The following STAG1 variants were observed in gnomAD, a reference collection of about 807,000 sequenced individuals.
The protein encoded by STAG1 is cohesin subunit SA-1.
STAG1 carries 26 observed loss-of-function variants against 170.9 expected under a neutral mutation model. The observed-to-expected ratio is 0.15, with a 90% CI of 0.11 to 0.21. STAG1 has a LOEUF of 0.21. STAG1 is among the 10% of genes least tolerant of loss of function. STAG1 has a pLI of 1.00. For synonymous variants in STAG1, 514 were observed against 497.7 expected (o/e 1.03, Z -0.44); for missense variants, 964 against 1,509.5 (o/e 0.64, Z 5.99).
At chr3:136,749,917 AAAAG>A (rs200664882) in intron 1 of STAG1, among the ~76,000 whole-genome samples, 22,205 of 151,200 alleles carry the variant, frequency 0.15, 2,122 homozygotes, top group Non-Finnish European at 0.22. Context: ...ATTAAAAAAA[AAAAG>A]AAAGAAACTA....
At chr3:136,359,048 T>G in intron 27 of STAG1, 100 bp downstream of exon 27, 1 of 1,024,906 alleles carries the variant, frequency 9.8e-7, no homozygotes, top group South Asian at 2.6e-5. Context: ...TCTTATAACT[T>G]AAAATTCTAT....
chr3:136,551,025 C>T (rs986893489), intron 5 of STAG1, among the ~76,000 whole-genome samples: 10 of 151,734 alleles, frequency 6.6e-5, no homozygotes, highest in African/African-American at 2.4e-4. Context: ...CAGTTTTCTC[C>T]TTTGTAAATT....
intron 15 of STAG1, among the ~76,000 whole-genome samples, chr3:136,440,366 T>C (rs941788640): frequency 3.3e-5 from 5 of 152,054 alleles, no homozygotes; most frequent in Non-Finnish European, 7.4e-5. Flanking sequence ...CTCGATCTCC[T>C]GACCTCATGA....
chr3:136,420,533 A>G (rs1202642666), intron 20 of STAG1, among the ~76,000 whole-genome samples: 1 of 152,108 alleles, frequency 6.6e-6, no homozygotes, highest in Non-Finnish European at 1.5e-5. Flanking sequence ...CAAACACAAC[A>G]ATCAGTCAGT....
intron 1 of STAG1, among the ~76,000 whole-genome samples, chr3:136,688,574 T>C (rs555173545): frequency 6.6e-6 from 1 of 152,154 alleles, no homozygotes; most frequent in South Asian, 2.1e-4. Flanking sequence ...ATATTTTTAG[T>C]AGAGATGGGG....
chr3:136,736,520 C>T (rs1427396330), intron 1 of STAG1: 5 of 1,439,884 alleles, frequency 3.5e-6, no homozygotes, highest in Admixed American at 3.3e-5. Flanking sequence ...TTTTTACTTT[C>T]GGTGGTCTCA....
chr3:136,704,821 C>CAAAAAAAAAAAAAA (rs67207510), intron 1 of STAG1, among the ~76,000 whole-genome samples: 7 of 51,422 alleles, frequency 1.4e-4, no homozygotes, highest in African/African-American at 2.2e-4. Flanking sequence ...GTCCCTGTCT[C>CAAAAAAAAAAAAAA]AAAAAAAAAA....
chr3:136,747,820 G>C (rs2107958849), intron 1 of STAG1, among the ~76,000 whole-genome samples: 1 of 148,674 alleles, frequency 6.7e-6, no homozygotes, highest in African/African-American at 2.5e-5. Flanking sequence ...CTGTCACCCA[G>C]GCTGGAGTGC....
At chr3:136,355,269 T>C (rs1167329792) in intron 28 of STAG1, among the ~76,000 whole-genome samples, 1 of 142,802 alleles carries the variant, frequency 7.0e-6, no homozygotes, top group Non-Finnish European at 1.5e-5. Context: ...GGAGAATCGC[T>C]GGAACCCGGG....
chr3:136,418,360 CAAAAAAAAAAAAAAAAAAA>C lies in STAG1; in HGVS notation c.2109-407_2109-389del, dbSNP rs767401141. ...GGGTAACTGAGCAAGACTCTGTCTC[CAAAAAAAAAAAAAAAAAAA>C]AAAAAAAAAAAAAAAAAAAAAGGTT... On this transcript the variant is annotated intron_variant, in intron 20 of 33. Coordinates refer to ENST00000383202, the MANE Select transcript of STAG1 (RefSeq NM_005862.3). 2.8e-3 allele frequency among the ~76,000 whole-genome samples: 140 copies of C among 49,756 alleles called. 1 individual carries two copies. Among genetic ancestry groups the C allele is most frequent in the African/African-American group, 0.012 (108 of 9,260 alleles). 32.6% of individuals were successfully genotyped at this position (49,756 alleles called of 152,430 possible). A position where few individuals can be genotyped will look rare whatever the true frequency, so the allele number is the denominator to read the frequency against.
intron 1 of STAG1, among the ~76,000 whole-genome samples, chr3:136,686,733 G>GT (rs552591730): frequency 5.9e-4 from 89 of 152,120 alleles, no homozygotes; most frequent in Non-Finnish European, 3.8e-4. Flanking sequence ...CAGGTGACTT[G>GT]TTTTTTTTAA....
intron 3 of STAG1, among the ~76,000 whole-genome samples, chr3:136,607,670 T>C (rs1414871020): frequency 2.0e-5 from 3 of 152,256 alleles, no homozygotes. Context: ...CCCAAAGTGC[T>C]AGGATTACAG....
intron 21 of STAG1, among the ~76,000 whole-genome samples, chr3:136,403,190 G>C (rs757281201): frequency 3.0e-4 from 34 of 112,454 alleles, no homozygotes; most frequent in Non-Finnish European, 2.0e-4. Flanking sequence ...TCACACCAAT[G>C]CACTCTAGCC....
chr3:136,375,253 T>G (rs139892342), intron 23 of STAG1, among the ~76,000 whole-genome samples: 1 of 152,204 alleles, frequency 6.6e-6, no homozygotes. Context: ...TATAGAGACT[T>G]TGAATACATT....
intron 13 of STAG1, among the ~76,000 whole-genome samples, chr3:136,460,285 A>T (rs1449744361): frequency 6.6e-6 from 1 of 152,196 alleles, no homozygotes; most frequent in Non-Finnish European, 1.5e-5. Context: ...GACACATACA[A>T]CCTAACATAA....
At chr3:136,667,085 T>C (rs1941809934) in intron 1 of STAG1, among the ~76,000 whole-genome samples, 2 of 152,202 alleles carry the variant, frequency 1.3e-5, no homozygotes, top group Non-Finnish European at 2.9e-5. Context: ...AAATCAATTT[T>C]TACTCAATAG....
At chr3:136,403,869 T>A (rs2087407479) in intron 21 of STAG1, among the ~76,000 whole-genome samples, 1 of 152,232 alleles carries the variant, frequency 6.6e-6, no homozygotes, top group Non-Finnish European at 1.5e-5. Flanking sequence ...CTAATCTGTT[T>A]CACACATTGG....
intron 7 of STAG1, among the ~76,000 whole-genome samples, chr3:136,515,814 A>T (rs1200043505): frequency 6.6e-6 from 1 of 152,226 alleles, no homozygotes; most frequent in Non-Finnish European, 1.5e-5. Flanking sequence ...AAACTACATG[A>T]TATAGTGGTA....
At chr3:136,572,227 AAATAAAATGAATAC>A (rs1393734850) in intron 4 of STAG1, among the ~76,000 whole-genome samples, 1 of 152,034 alleles carries the variant, frequency 6.6e-6, no homozygotes, top group Non-Finnish European at 1.5e-5. Flanking sequence ...AAATAAATAA[AAATAAAATGAATAC>A]AATAAAATAA....
Sources: allele counts gnomAD v4.1 joint callset (sites outside exome capture counted in the v4.1 genomes callset), GRCh38; gene constraint gnomAD v4.1.1; transcripts MANE v1.5; gene names NCBI Gene and HGNC (gene_info 2026-07-23, HGNC 2026-07-21).